Variants in TSC2 observed in about 807,000 individuals in gnomAD.
The protein encoded by TSC2 is TSC complex subunit 2.
A neutral mutation model predicts 202.2 loss-of-function variants in TSC2; 29 were observed. The ratio of observed to expected loss-of-function variants is 0.14; its 90% CI spans 0.11 to 0.20. The LOEUF (loss-of-function observed/expected upper bound fraction) is 0.20, where lower values mean the gene tolerates loss of function less well. Among genes scored for constraint, TSC2 ranks in the 10% least tolerant of loss-of-function variants. The pLI, the probability that TSC2 is intolerant of heterozygous loss-of-function variation, is 1.00. For synonymous variants in TSC2, 1,349 were observed against 1,044.0 expected, an observed-to-expected ratio of 1.29 and a Z score of -5.63; for missense variants, 2,429 against 2,420.0, an observed-to-expected ratio of 1.00 and a Z score of -0.08.
chr16:2,071,338 G>A (rs532002248), intron 17 of TSC2, 172 bp from the exon 18 acceptor site: 59 of 691,332 alleles, frequency 8.5e-5, no homozygotes, highest in Middle Eastern at 2.5e-4. Flanking sequence ...CTGGGCCTCC[G>A]GTGTCACCAG....
Position 2,088,100 on chromosome 16 carries a change from C to G in TSC2, c.5121C>G (p.Asn1707Lys), listed in dbSNP as rs2151621840. 1 of 1,612,938 alleles carries G rather than the reference C, an allele frequency of 6.2e-7. No homozygotes were observed. Among genetic ancestry groups the G allele is most frequent in the South Asian group, 1.1e-5 (1 of 91,090 alleles). ...TSVAKIVSDR[N>K]LPFVARQMAL... ...TGGCCAAGATCGTGTCTGACCGCAA[C>G]CTGCCCTTCGTGGCCCGCCAGATGG... Residue 1707 changes from asparagine to lysine, a missense_variant, in exon 40 of 42, where the codon AAC (asparagine) becomes AAG (lysine). Coordinates refer to ENST00000219476, the MANE Select transcript of TSC2 (RefSeq NM_000548.5).
At chr16:2,086,542 G>A (rs1449807172) in intron 37 of TSC2, among the ~76,000 whole-genome samples, 163 bp downstream of exon 37, 8 of 152,200 alleles carry the variant, frequency 5.3e-5, no homozygotes, top group Admixed American at 6.5e-5. Flanking sequence ...TGGAGGCAGT[G>A]ATGGGGCTGG....
Position 2,055,463 on chromosome 16 carries a change from G to A in TSC2, c.543G>A (p.Val181=), listed in dbSNP as rs2151060183. 2 of 1,614,226 alleles carry A rather than the reference G, an allele frequency of 1.2e-6. No individual in the cohort carries two copies. Among genetic ancestry groups the A allele is most frequent in the Middle Eastern group, 1.6e-4 (1 of 6,062 alleles). Residue 181 remains valine (V), a synonymous_variant, in exon 6 of 42, where the codon GTG becomes GTA. Transcript: ENST00000219476. ...CCTCGGAATTCCTTCTGGTGCTGGT[G>A]AACTTGGTCAAATTCAATAGCTGTT... ...GLSSEFLLVL[V]NLVKFNSCYL... is the part of the protein sequence containing the mutation.
intron 20 of TSC2, 62 bp from the exon 21 acceptor site, chr16:2,072,787 C>G (rs2088672484): frequency 6.2e-7 from 1 of 1,611,814 alleles, no homozygotes. Context: ...CTCCCCAGCC[C>G]CTCTGGCTAC....
At position 2,072,867 on chromosome 16, in the gene TSC2, C is replaced by G; in HGVS notation, c.2239C>G (p.Leu747Val). 1 of 1,613,654 alleles carries G rather than the reference C, an allele frequency of 6.2e-7. No individual in the cohort carries two copies. Among genetic ancestry groups the G allele is most frequent in the South Asian group, 1.1e-5 (1 of 91,090 alleles). ...TCATCAGCTTTCAGGCCCAAAGACA[C>G]TGGAGCGGCTCCGAGGCGCCCCAGA... ...LCSMLSGPKT[L>V]ERLRGAPEGF... Residue 747 changes from leucine (L) to valine (V), a missense_variant, in exon 21 of 42, where the codon CTG becomes GTG. Leu to Val is a conservative substitution (Grantham distance 32). Transcript: ENST00000219476.
rs142848358 is a variant in TSC2, at chr16:2,084,574, G to A, written c.4352G>A (p.Arg1451His). The A allele has an allele frequency of 1.9e-5, 31 of 1,607,104 alleles. No individual in the cohort carries two copies. In the African/African-American group the frequency reaches 2.9e-4, roughly 15 times the overall value. ...GGTCCCTTGCCTTCCAGCTCCCCCC[G>A]CTCGCCCAGTGGCCTCCGGCCCCGA... Reference protein sequence around the residue: ...PEGPLPSSSPRSPSGLRPRGY... With the variant: ...PEGPLPSSSPHSPSGLRPRGY... The change falls in exon 34 of 42, where the codon CGC becomes CAC. Residue 1451 changes from arginine to histidine, a missense_variant. Physicochemically the swap from Arg to His is conservative, Grantham distance 29. Coordinates refer to ENST00000219476, the MANE Select transcript of TSC2 (RefSeq NM_000548.5).
In TSC2 at chr16:2,084,991, G is replaced by A. The variant is rs774441486; in HGVS notation, c.4534G>A (p.Asp1512Asn). 6.8e-6 allele frequency: 11 copies of A among 1,613,136 alleles called. No individual in the cohort carries two copies. The highest frequency in any genetic ancestry group is 2.2e-5 in the South Asian group (2 of 91,082). ...LQLYHSPFFGDESNKPILLPN... is the reference protein window; with the variant it reads ...LQLYHSPFFGNESNKPILLPN... Reference sequence around the variant, plus strand: ...GCTCTACCATTCCCCCTTCTTTGGCGACGAGTCAAACAAGCCAATCCTGCT... The same window carrying A: ...GCTCTACCATTCCCCCTTCTTTGGCAACGAGTCAAACAAGCCAATCCTGCT... The change falls in exon 35 of 42, where the codon GAC becomes AAC. Residue 1512 changes from aspartate (D) to asparagine (N), a missense_variant. By Grantham distance (23) the Asp-to-Asn change is conservative. Coordinates refer to ENST00000219476, the MANE Select transcript of TSC2 (RefSeq NM_000548.5).
chr16:2,060,529 C>G, intron 10 of TSC2, 141 bp from the exon 11 acceptor site: 1 of 1,428,240 alleles, frequency 7.0e-7, no homozygotes, highest in Non-Finnish European at 9.7e-7. Context: ...GCCCCACCTG[C>G]TGTTTCTGCG....
chr16:2,061,820 G>C (rs777685284), intron 11 of TSC2, 51 bp from the exon 12 acceptor site: 1 of 1,613,548 alleles, frequency 6.2e-7, no homozygotes, highest in Non-Finnish European at 8.5e-7. Flanking sequence ...CTGGTGCCAA[G>C]TCCATGTGGG....
chr16:2,087,485 TG>T (rs60318294), intron 38 of TSC2, among the ~76,000 whole-genome samples: 3,622 of 79,848 alleles, frequency 0.045, 41 homozygotes, highest in East Asian at 0.081. Flanking sequence ...GACAACCAGT[TG>T]GGGGGGGGGG....
chr16:2,056,902 C>A, intron 8 of TSC2, 133 bp downstream of exon 8: 1 of 1,496,262 alleles, frequency 6.7e-7, no homozygotes, highest in Non-Finnish European at 9.2e-7. Context: ...CGGCCAGTGT[C>A]ATTTTCCCAG....
rs772667717 is a variant in TSC2, at chr16:2,084,676, C to T, written c.4454C>T (p.Thr1485Ile). 11 of 1,598,648 alleles carry T rather than the reference C, an allele frequency of 6.9e-6. No homozygotes were observed. Among genetic ancestry groups the T allele is most frequent in the South Asian group, 3.3e-5 (3 of 91,090 alleles). Reference sequence around the variant, plus strand: ...AGGGACGCCTTAAAGAGCAGAGCCACAGCCTCCAATGCAGAGAAAGTGCCA... The same window carrying T: ...AGGGACGCCTTAAAGAGCAGAGCCATAGCCTCCAATGCAGAGAAAGTGCCA... ...VERDALKSRA[T>I]ASNAEKVPGI... Residue 1485 changes from threonine to isoleucine, a missense_variant, in exon 34 of 42, where the codon ACA becomes ATA. By Grantham distance (89) the Thr-to-Ile change is moderately conservative. Coordinates refer to ENST00000219476, the MANE Select transcript of TSC2 (RefSeq NM_000548.5).
chr16:2,064,608 T>C (rs2087065092), intron 15 of TSC2, 181 bp downstream of exon 15: 1 of 905,498 alleles, frequency 1.1e-6, no homozygotes, highest in African/African-American at 1.6e-5. Flanking sequence ...GCTGGATTTG[T>C]GTCCTGACTG....
chr16:2,074,126 C>T (rs2088897057), intron 21 of TSC2, 74 bp from the exon 22 acceptor site: 25 of 1,586,900 alleles, frequency 1.6e-5, no homozygotes, highest in South Asian at 3.3e-5. Context: ...GTGGAGCACT[C>T]GAGGTTGGCG....
intron 25 of TSC2, chr16:2,076,811 T>C (rs1346477290): frequency 7.0e-6 from 4 of 573,628 alleles, no homozygotes; most frequent in Non-Finnish European, 1.2e-5. Context: ...GGCACCTACT[T>C]GTGGAATTGG....
rs1131825 is a variant in TSC2, at chr16:2,058,858, G to T, written c.960G>T (p.Leu320Phe). The T allele has an allele frequency of 6.2e-7, 1 of 1,608,504 alleles. No individual in the cohort carries two copies. Among genetic ancestry groups the T allele is most frequent in the Non-Finnish European group, 8.5e-7 (1 of 1,177,568 alleles). The change falls in exon 10 of 42, where the codon TTG (leucine) becomes TTT (phenylalanine). Residue 320 changes from leucine to phenylalanine, a missense_variant. Transcript: ENST00000219476. ...TCAGGAACTCGCCGACATCTGTGTT[G>T]CCATCATTTTACCAGGTAAGGCGGT... Reference protein sequence around the residue: ...YSLRNSPTSVLPSFYQAMACP... With the variant: ...YSLRNSPTSVFPSFYQAMACP...
At chr16:2,062,922 G>C (rs1348109166) in intron 13 of TSC2, 50 bp from the exon 14 acceptor site, 1 of 1,536,832 alleles carries the variant, frequency 6.5e-7, no homozygotes, top group Non-Finnish European at 8.8e-7. Flanking sequence ...GCTGGTGTGG[G>C]GCTGTGGCCG....
At chr16:2,070,687 C>T in intron 17 of TSC2, 109 bp downstream of exon 17, 2 of 1,544,090 alleles carry the variant, frequency 1.3e-6, no homozygotes, top group Non-Finnish European at 1.7e-6. Flanking sequence ...GATGGGGCCT[C>T]AGCTGACCGT....
chr16:2,082,062 A>G, intron 31 of TSC2: 3 of 607,220 alleles, frequency 4.9e-6, no homozygotes, highest in Non-Finnish European at 8.7e-6. Flanking sequence ...TGGGGAGTCC[A>G]GCACTGCGGG....
Sources: allele counts gnomAD v4.1 joint callset (sites outside exome capture counted in the v4.1 genomes callset), GRCh38; gene constraint gnomAD v4.1.1; transcripts MANE v1.5; gene names NCBI Gene and HGNC (gene_info 2026-07-23, HGNC 2026-07-21).